ARFIP1: variants seen among roughly 807,000 people sequenced by gnomAD.
ARFIP1 encodes the protein arfaptin-1.
A neutral mutation model predicts 42.5 loss-of-function variants in ARFIP1; 24 were observed. The ratio of observed to expected loss-of-function variants is 0.57; its 90% CI spans 0.41 to 0.80. The LOEUF is 0.80. ARFIP1 is among the 30% of genes least tolerant of loss of function. The probability of loss-of-function intolerance (pLI) is 0.00; values close to 1 mark genes in which losing one functional copy is unlikely to be tolerated. For missense variants in ARFIP1, 354 were observed against 434.0 expected (o/e 0.82, Z 1.64); for synonymous variants, 141 against 153.7 (o/e 0.92, Z 0.61).
intron 2 of ARFIP1, among the ~76,000 whole-genome samples, chr4:152,845,210 T>G: frequency 6.6e-6 from 1 of 152,082 alleles, no homozygotes; most frequent in African/African-American, 2.4e-5. Flanking sequence ...AAAAATTACT[T>G]CAGATGGATT....
rs181701452 is a variant in ARFIP1, at chr4:152,794,264, G to A, written c.-10+14038G>A. 3.2e-4 allele frequency among the ~76,000 whole-genome samples: 48 copies of A among 152,226 alleles called. No homozygotes were observed. The East Asian group carries it at 9.1e-3, about 29-fold the overall frequency. ...TATATAGGAACTCACATTGAATTTA[G>A]CAATTTCTCCGTAGTCTCTTTTAAA... On this transcript the variant is annotated intron_variant, in intron 1 of 8. Coordinates refer to ENST00000353617, the MANE Select transcript of ARFIP1 (RefSeq NM_001025595.3).
At chr4:152,844,035 C>T (rs1299547762) in intron 2 of ARFIP1, among the ~76,000 whole-genome samples, 1 of 152,154 alleles carries the variant, frequency 6.6e-6, no homozygotes, top group Non-Finnish European at 1.5e-5. Flanking sequence ...CTGATGGATC[C>T]CTGTGGTACC....
In ARFIP1 at chr4:152,882,716, G is replaced by A. The variant is rs1365936830; in HGVS notation, c.634-7G>A. On this transcript the variant is annotated splice_polypyrimidine_tract_variant and splice_region_variant and intron_variant, in intron 6 of 8. Coordinates refer to ENST00000353617, the MANE Select transcript of ARFIP1 (RefSeq NM_001025595.3). The stretch of plus-strand genomic sequence containing the variant: ...CTGAATAAATTAAGGTGACTTCTTT[G>A]TTTTAGGAAGAATTTGGCTATAATG... 3 of 1,611,804 alleles carry A rather than the reference G, an allele frequency of 1.9e-6. No individual in the cohort carries two copies. The highest frequency in any genetic ancestry group is 2.5e-6 in the Non-Finnish European group (3 of 1,179,020).
chr4:152,811,348 C>T (rs1194418511), intron 1 of ARFIP1, among the ~76,000 whole-genome samples: 1 of 152,020 alleles, frequency 6.6e-6, no homozygotes, highest in African/African-American at 2.4e-5. Flanking sequence ...GGGATTTTAA[C>T]CCAAGTCCAA....
intron 2 of ARFIP1, among the ~76,000 whole-genome samples, chr4:152,847,453 G>C (rs1289713371): frequency 6.6e-6 from 1 of 151,624 alleles, no homozygotes; most frequent in Non-Finnish European, 1.5e-5. Context: ...ATTAAGATGG[G>C]GCAGCAACAG....
chr4:152,837,966 T>C (rs1053286116), intron 2 of ARFIP1, among the ~76,000 whole-genome samples: 5 of 152,140 alleles, frequency 3.3e-5, no homozygotes, highest in African/African-American at 1.2e-4. Context: ...AGGTGAGAGA[T>C]GAGAATCCAG....
intron 1 of ARFIP1, among the ~76,000 whole-genome samples, chr4:152,797,430 A>G (rs1210492979): frequency 6.6e-6 from 1 of 152,158 alleles, no homozygotes; most frequent in African/African-American, 2.4e-5. Context: ...ATGATTTCCT[A>G]CCTATTCTTG....
chr4:152,869,358 AT>A (rs1165531413), intron 3 of ARFIP1, among the ~76,000 whole-genome samples: 3 of 151,854 alleles, frequency 2.0e-5, no homozygotes, highest in Non-Finnish European at 4.4e-5. Context: ...GGACTTTAAT[AT>A]TTTTTCAGTT....
At chr4:152,821,015 T>C (rs1011260742) in intron 1 of ARFIP1, among the ~76,000 whole-genome samples, 7 of 152,174 alleles carry the variant, frequency 4.6e-5, no homozygotes, top group Admixed American at 3.9e-4. Context: ...ATTCAAAAAA[T>C]AGTTAGAAGA....
intron 2 of ARFIP1, among the ~76,000 whole-genome samples, chr4:152,836,954 TA>T (rs1731699673): frequency 6.7e-6 from 1 of 149,908 alleles, no homozygotes; most frequent in South Asian, 2.1e-4. Context: ...CCCAAACCAC[TA>T]AAGTCCATTG....
At chr4:152,873,628 G>A (rs909008249) in intron 5 of ARFIP1, among the ~76,000 whole-genome samples, 1 of 152,102 alleles carries the variant, frequency 6.6e-6, no homozygotes, top group African/African-American at 2.4e-5. Flanking sequence ...CCAGTCAGTC[G>A]TTAAGTCCTA....
intron 2 of ARFIP1, among the ~76,000 whole-genome samples, chr4:152,843,017 G>A (rs1362484477): frequency 6.6e-6 from 1 of 152,120 alleles, no homozygotes; most frequent in Non-Finnish European, 1.5e-5. Context: ...ACCAGGGTTG[G>A]TTTCCTGGTT....
At chr4:152,845,923 CAG>C (rs1341613242) in intron 2 of ARFIP1, among the ~76,000 whole-genome samples, 1 of 152,112 alleles carries the variant, frequency 6.6e-6, no homozygotes, top group Non-Finnish European at 1.5e-5. Context: ...TTGACAGTCA[CAG>C]AGTCATACAA....
chr4:152,838,675 T>G (rs1315443694), intron 2 of ARFIP1, among the ~76,000 whole-genome samples: 1 of 152,168 alleles, frequency 6.6e-6, no homozygotes, highest in African/African-American at 2.4e-5. Flanking sequence ...TCTAGGAGCT[T>G]TCTGGAGGAG....
chr4:152,909,976 CTATT>C, intron 8 of ARFIP1, 84 bp from the exon 9 acceptor site: 1 of 1,471,540 alleles, frequency 6.8e-7, no homozygotes, highest in South Asian at 1.3e-5. Context: ...GAGAGATACA[CTATT>C]TAATTAAGGA....
chr4:152,876,823 G>C (rs747396612), intron 5 of ARFIP1, among the ~76,000 whole-genome samples: 1 of 152,224 alleles, frequency 6.6e-6, no homozygotes, highest in Non-Finnish European at 1.5e-5. Context: ...AGCCGCTCCA[G>C]CCATGGCTGA....
At chr4:152,794,863 T>A (rs1001646921) in intron 1 of ARFIP1, among the ~76,000 whole-genome samples, 15 of 152,202 alleles carry the variant, frequency 9.9e-5, no homozygotes, top group African/African-American at 3.4e-4. Context: ...TTTGTTGCTG[T>A]ATTCGTTCCA....
intron 8 of ARFIP1, among the ~76,000 whole-genome samples, chr4:152,898,193 A>G (rs955020379): frequency 2.6e-5 from 4 of 151,932 alleles, no homozygotes; most frequent in Non-Finnish European, 5.9e-5. Flanking sequence ...CATCTTGGCC[A>G]GGCTGGTCTT....
intron 5 of ARFIP1, among the ~76,000 whole-genome samples, chr4:152,875,001 C>T (rs535225234): frequency 6.6e-6 from 1 of 152,218 alleles, no homozygotes; most frequent in Admixed American, 6.5e-5. Context: ...CTGGCTATGT[C>T]TTTGGTCCTC....
Sources: allele counts gnomAD v4.1 joint callset (sites outside exome capture counted in the v4.1 genomes callset), GRCh38; gene constraint gnomAD v4.1.1; transcripts MANE v1.5; gene names NCBI Gene and HGNC (gene_info 2026-07-23, HGNC 2026-07-21).